GNE: variants seen among roughly 807,000 people sequenced by gnomAD.
GNE encodes the protein bifunctional UDP-N-acetylglucosamine 2-epimerase/N-acetylmannosamine kinase.
In GNE, 41 loss-of-function variants were observed where a neutral mutation model predicts 61.8. The observed-to-expected ratio is 0.66, with a 90% CI of 0.52 to 0.86. The LOEUF (loss-of-function observed/expected upper bound fraction) is 0.86, where lower values mean the gene tolerates loss of function less well. GNE is among the 40% of genes least tolerant of loss of function. GNE has a pLI of 0.00. For synonymous variants in GNE, 264 were observed against 326.4 expected (o/e 0.81, Z 2.06); for missense variants, 608 against 909.1 (o/e 0.67, Z 4.26).
At chr9:36,266,657 C>T (rs983389597) in intron 1 of GNE, among the ~76,000 whole-genome samples, 1 of 152,174 alleles carries the variant, frequency 6.6e-6, no homozygotes, top group Non-Finnish European at 1.5e-5. Context: ...CGCCTGTAAT[C>T]CCAGCACTTT....
intron 5 of GNE, among the ~76,000 whole-genome samples, chr9:36,230,270 C>T (rs899057134): frequency 3.9e-5 from 6 of 152,080 alleles, no homozygotes; most frequent in Non-Finnish European, 7.4e-5. Context: ...ATGAACTCAG[C>T]AGTATCCACC....
At chr9:36,239,529 A>G (rs944274354) in intron 3 of GNE, among the ~76,000 whole-genome samples, 1 of 151,286 alleles carries the variant, frequency 6.6e-6, no homozygotes, top group African/African-American at 2.4e-5. Flanking sequence ...CTGCAGTGCA[A>G]TGGTGCGATC....
chr9:36,258,532 G>A (rs906414581), upstream of GNE: 113 of 984,868 alleles, frequency 1.1e-4, no homozygotes, highest in Non-Finnish European at 1.4e-4. Flanking sequence ...GCGCCCTGAC[G>A]CCACCCGAGA....
chr9:36,227,760 G>A (rs1828950513), intron 6 of GNE, among the ~76,000 whole-genome samples: 1 of 152,014 alleles, frequency 6.6e-6, no homozygotes, highest in Non-Finnish European at 1.5e-5. Flanking sequence ...AATAGGCTGG[G>A]TGCAGTGGCT....
chr9:36,265,217 C>T, intron 1 of GNE: 1 of 358,654 alleles, frequency 2.8e-6, no homozygotes, highest in Non-Finnish European at 5.6e-6. Flanking sequence ...CTACGGTTCT[C>T]TTCCATGACC....
At chr9:36,249,444 T>C (rs1358406981) in intron 1 of GNE, 47 bp from the exon 2 acceptor site, 1 of 1,252,592 alleles carries the variant, frequency 8.0e-7, no homozygotes, top group South Asian at 1.3e-5. Flanking sequence ...AACTCCTAGA[T>C]ATAACTAAAC....
chr9:36,270,678 C>G (rs997889158), intron 1 of GNE, among the ~76,000 whole-genome samples: 3 of 152,096 alleles, frequency 2.0e-5, no homozygotes. Flanking sequence ...CCACCGCGCC[C>G]GGCTAATGTT....
At position 36,227,345 on chromosome 9, in the gene GNE, T is replaced by C. The variant is rs1413705041; in HGVS notation, c.1184A>G (p.Asn395Ser). The C allele has an allele frequency of 6.2e-7, 1 of 1,612,352 alleles. No homozygotes were observed. Among genetic ancestry groups the C allele is most frequent in the Non-Finnish European group, 8.5e-7 (1 of 1,178,354 alleles). Residue 395 changes from asparagine (N) to serine (S), a missense_variant, in exon 7 of 12, where the codon AAT (asparagine) becomes AGT (serine). Asn to Ser is a conservative substitution (Grantham distance 46, BLOSUM62 1). Transcript: ENST00000642385. ...AATATGGTCAATATCTTGAGAGATA[T>C]TCTCCTTCACAGGAGGAAAGCAGAA... is the stretch of plus-strand genomic sequence containing the variant. ...KKFCFPPVKE[N>S]ISQDIDHILE... is the part of the protein sequence containing the mutation.
upstream of GNE, among the ~76,000 whole-genome samples, chr9:36,260,844 G>T (rs1830589053): frequency 7.5e-6 from 1 of 133,284 alleles, no homozygotes; most frequent in African/African-American, 2.8e-5. Context: ...ACTCCAGCCT[G>T]GGCAACAGAG....
Position 36,217,223 on chromosome 9 carries a change from A to T in GNE, c.*142T>A. On this transcript the variant is annotated 3_prime_UTR_variant, in exon 12 of 12. Coordinates refer to ENST00000642385, the MANE Select transcript of GNE (RefSeq NM_005476.7). ...GGGAAAGGTGACTCTGGAAGAGGAGACCAAAAGTGAAAACATTTCTCTGCC... is the reference window on the plus strand; with the variant it reads ...GGGAAAGGTGACTCTGGAAGAGGAGTCCAAAAGTGAAAACATTTCTCTGCC... The T allele has an allele frequency of 1.4e-6, 1 of 702,724 alleles. No homozygotes were observed. The highest frequency in any genetic ancestry group is 2.6e-6 in the Non-Finnish European group (1 of 387,956). 43.5% of individuals were successfully genotyped at this position (702,724 alleles called of 1,614,324 possible).
chr9:36,222,399 A>G (rs1206890234), intron 9 of GNE, among the ~76,000 whole-genome samples: 1 of 145,606 alleles, frequency 6.9e-6, no homozygotes, highest in Non-Finnish European at 1.5e-5. Flanking sequence ...AGCCTGGGCG[A>G]CAGAGCGAGA....
intron 11 of GNE, 152 bp from the exon 12 acceptor site, chr9:36,217,752 T>C: frequency 1.5e-6 from 1 of 682,498 alleles, no homozygotes; most frequent in Non-Finnish European, 2.7e-6. Context: ...TCACGGTTGA[T>C]TCTTAATATG....
chr9:36,255,484 A>T (rs369720056), intron 1 of GNE, among the ~76,000 whole-genome samples: 126 of 152,250 alleles, frequency 8.3e-4, no homozygotes, highest in African/African-American at 2.8e-3. Context: ...TAAAAATGTA[A>T]ATTAAAAGCC....
intron 7 of GNE, among the ~76,000 whole-genome samples, chr9:36,224,355 G>A (rs1159975979): frequency 1.3e-5 from 2 of 151,964 alleles, no homozygotes; most frequent in East Asian, 3.9e-4. Context: ...GATTTCTTGA[G>A]CCTGGGAAGT....
At chr9:36,271,437 G>A (rs1409112329) in intron 1 of GNE, among the ~76,000 whole-genome samples, 4 of 152,144 alleles carry the variant, frequency 2.6e-5, no homozygotes, top group Non-Finnish European at 4.4e-5. Flanking sequence ...GCAGTGGCAC[G>A]ATCTCAGCTC....
intron 5 of GNE, among the ~76,000 whole-genome samples, chr9:36,232,337 CCCCCCCT>C (rs1563937165): frequency 2.0e-5 from 2 of 99,814 alleles, no homozygotes; most frequent in East Asian, 4.1e-4. Context: ...TGCCCCCCCG[CCCCCCCT>C]CCCGACATTC....
At chr9:36,244,192 T>C (rs536143119) in intron 3 of GNE, among the ~76,000 whole-genome samples, 2 of 152,148 alleles carry the variant, frequency 1.3e-5, no homozygotes, top group African/African-American at 2.4e-5. Flanking sequence ...TTGTAACTCC[T>C]AGGCTCAAGC....
At chr9:36,274,068 CTGTG>C (rs71336439) in intron 1 of GNE, among the ~76,000 whole-genome samples, 8,418 of 142,056 alleles carry the variant, frequency 0.059, 303 homozygotes, top group South Asian at 0.078. Flanking sequence ...GTCTATGGTA[CTGTG>C]TGTGTGTGTG....
intron 6 of GNE, 50 bp from the exon 7 acceptor site, chr9:36,227,508 T>A: frequency 9.0e-7 from 1 of 1,110,838 alleles, no homozygotes; most frequent in Non-Finnish European, 1.4e-6. Flanking sequence ...CCATACATGT[T>A]AAGTGGTAGT....
Sources: allele counts gnomAD v4.1 joint callset (sites outside exome capture counted in the v4.1 genomes callset), GRCh38; gene constraint gnomAD v4.1.1; transcripts MANE v1.5; gene names NCBI Gene and HGNC (gene_info 2026-07-23, HGNC 2026-07-21).